Variants in CNOT1 observed in about 807,000 individuals in gnomAD.
CNOT1 encodes CCR4-associated factor 1.
CNOT1 carries 15 observed loss-of-function variants against 273.8 expected under a neutral mutation model. That is an observed-to-expected ratio of 0.05 (90% CI 0.04 to 0.08). CNOT1 has a LOEUF of 0.08. CNOT1 is among the 10% of genes least tolerant of loss of function. The probability of loss-of-function intolerance (pLI) is 1.00; values close to 1 mark genes in which losing one functional copy is unlikely to be tolerated. For missense variants in CNOT1, 1,644 were observed against 2,912.2 expected, an observed-to-expected ratio of 0.56 and a Z score of 10.02; for synonymous variants, 1,022 against 1,005.5, an observed-to-expected ratio of 1.02 and a Z score of -0.31.
At chr16:58,620,161 G>T (rs1320252501) in intron 1 of CNOT1, among the ~76,000 whole-genome samples, 1 of 152,092 alleles carries the variant, frequency 6.6e-6, no homozygotes, top group Non-Finnish European at 1.5e-5. Context: ...ATATGCACTG[G>T]GGAAAGAGAC....
At chr16:58,530,510 C>G in intron 42 of CNOT1, 163 bp from the exon 43 acceptor site, 1 of 454,070 alleles carries the variant, frequency 2.2e-6, no homozygotes, top group Non-Finnish European at 3.8e-6. Flanking sequence ...AGGCCAGGCA[C>G]GGTGGCTGAC....
rs2040227022 is a variant in CNOT1 at position 58,545,417 on chromosome 16, C to T, written c.4081G>A (p.Asp1361Asn). The change falls in exon 30 of 49, where the codon GAC becomes AAC. Residue 1361 changes from aspartate to asparagine, a missense_variant. Coordinates refer to ENST00000317147, the MANE Select transcript of CNOT1 (RefSeq NM_016284.5). The stretch of plus-strand genomic sequence containing the variant: ...CCCGCAAGGGAATAGACATTGATGT[C>T]GTGGTAGCTGTACTGTGGCTGTGGT... Reference protein sequence around the residue: ...VPPQPQYSYHDINVYSLAGLA... With the variant: ...VPPQPQYSYHNINVYSLAGLA... 1.9e-6 allele frequency: 3 copies of T among 1,614,058 alleles called. No homozygotes were observed. Among genetic ancestry groups the T allele is most frequent in the South Asian group, 1.1e-5 (1 of 91,084 alleles).
At chr16:58,522,257 AAAAAAAAAAAG>A (rs1291551174) in intron 47 of CNOT1, among the ~76,000 whole-genome samples, 1 of 134,276 alleles carries the variant, frequency 7.4e-6, no homozygotes, top group African/African-American at 2.6e-5. Context: ...AAAAAAAAAA[AAAAAAAAAAAG>A]CTAACATTGC....
Position 58,589,012 on chromosome 16 carries a change from ATTAG to A in CNOT1, c.103-110_103-107del, listed in dbSNP as rs1302390707. 7 of 1,306,996 alleles carry A rather than the reference ATTAG, an allele frequency of 5.4e-6. No homozygotes were observed. The Admixed American group carries it at 1.1e-4, about 21-fold the overall frequency. 81.0% of individuals were successfully genotyped at this position (1,306,996 alleles called of 1,614,324 possible). A position where few individuals can be genotyped will look rare whatever the true frequency, so the allele number is the denominator to read the frequency against. On this transcript the variant is annotated intron_variant, in intron 2 of 48. Coordinates refer to ENST00000317147, the MANE Select transcript of CNOT1 (RefSeq NM_016284.5). ...CCTCCAAGGCAAAATTCCAATTTACATTAGTTACTCATTTTTGAATTAAAGTTAA... is the reference window on the plus strand; with the variant it reads ...CCTCCAAGGCAAAATTCCAATTTACATTACTCATTTTTGAATTAAAGTTAA...
intron 18 of CNOT1, among the ~76,000 whole-genome samples, chr16:58,557,312 G>A (rs1051706759): frequency 1.3e-5 from 2 of 152,160 alleles, no homozygotes; most frequent in African/African-American, 4.8e-5. Context: ...GAGCTGGCTG[G>A]CTTTTCTCAA....
At chr16:58,626,850 C>CT (rs1259683564) in intron 1 of CNOT1, among the ~76,000 whole-genome samples, 16 of 151,342 alleles carry the variant, frequency 1.1e-4, no homozygotes. Flanking sequence ...ATTTAATTTT[C>CT]TTTTTTGTAA....
chr16:58,568,194 T>C (rs1034310424), intron 16 of CNOT1, among the ~76,000 whole-genome samples: 1 of 151,942 alleles, frequency 6.6e-6, no homozygotes, highest in East Asian at 1.9e-4. Flanking sequence ...TGAGAAACCC[T>C]GTCTCTACTA....
At chr16:58,551,064 C>A in intron 24 of CNOT1, 68 bp downstream of exon 24, 1 of 1,570,648 alleles carries the variant, frequency 6.4e-7, no homozygotes, top group South Asian at 1.2e-5. Context: ...TGTAAAAGGG[C>A]CAACTATACA....
rs958751272 is a variant in CNOT1 at position 58,562,533 on chromosome 16, CG to C, written c.1980-2172del. Among the ~76,000 whole-genome samples, 4 of 147,334 alleles carry C rather than the reference CG, an allele frequency of 2.7e-5. No homozygotes were observed. In the East Asian group the frequency reaches 6.2e-4, roughly 23 times the overall value. ...AAAAATAAATTAAAAAAAAAAGCGG[CG>C]GGGGGGCGGCCAGGCACGGTGGCTC... On this transcript the variant is annotated intron_variant, in intron 16 of 48. Coordinates refer to ENST00000317147, the MANE Select transcript of CNOT1 (RefSeq NM_016284.5).
At position 58,520,139 on chromosome 16, in the gene CNOT1, CCATT is replaced by C. The variant is rs2039314380; in HGVS notation, c.*815_*818del. ...TCATTATTCAGCTTAGCCTGTATGG[CCATT>C]CATTCAGTGGGGTAATGGGGGAGAA... On this transcript the variant is annotated 3_prime_UTR_variant, in exon 49 of 49. Coordinates refer to ENST00000317147, the MANE Select transcript of CNOT1 (RefSeq NM_016284.5). 1 of 152,080 alleles carries C rather than the reference CCATT, an allele frequency of 6.6e-6. No individual in the cohort carries two copies. Among genetic ancestry groups the C allele is most frequent in the Non-Finnish European group, 1.5e-5 (1 of 68,022 alleles). The allele number at this position is 152,080 out of a possible 1,614,324, so 9.4% of individuals were successfully genotyped here. A position where few individuals can be genotyped will look rare whatever the true frequency, so the allele number is the denominator to read the frequency against.
chr16:58,591,614 C>T (rs974088430), intron 2 of CNOT1, among the ~76,000 whole-genome samples: 7 of 151,906 alleles, frequency 4.6e-5, no homozygotes, highest in Non-Finnish European at 5.9e-5. Context: ...ATTAGCCGGA[C>T]GTGGCGGCAT....
rs1012061003 is a variant in CNOT1, at chr16:58,523,183, T to G, written c.6917+187A>C. 7.1e-6 allele frequency: 3 copies of G among 423,262 alleles called. No individual in the cohort carries two copies. In the Admixed American group the frequency reaches 1.3e-4, roughly 18 times the overall value. The allele number at this position is 423,262 out of a possible 1,614,324, so 26.2% of individuals were successfully genotyped here. On this transcript the variant is annotated intron_variant, in intron 47 of 48. Coordinates refer to ENST00000317147, the MANE Select transcript of CNOT1 (RefSeq NM_016284.5). ...TCGCTTGAACCTGGGAGGCGGAGGT[T>G]GCAGTGAGCCAAGATGGCGCCACTG...
chr16:58,546,427 T>C lies in CNOT1; in HGVS notation c.3900A>G (p.Gly1300=). The change falls in exon 29 of 49, where the codon GGA becomes GGG. Residue 1300 remains glycine (G), a synonymous_variant. Coordinates refer to ENST00000317147, the MANE Select transcript of CNOT1 (RefSeq NM_016284.5). ...GGCGATCTTTATCCTTTAGGAGGTTTCCAGGTTTTAGCTCATTGATGTCTA... is the reference window on the plus strand; with the variant it reads ...GGCGATCTTTATCCTTTAGGAGGTTCCCAGGTTTTAGCTCATTGATGTCTA... ...LALDINELKP[G]NLLKDKDRLK... 6.2e-7 allele frequency: 1 copy of C among 1,614,032 alleles called. No individual in the cohort carries two copies. The highest frequency in any genetic ancestry group is 8.5e-7 in the Non-Finnish European group (1 of 1,179,956).
chr16:58,572,151 C>T lies in CNOT1; in HGVS notation c.1979+2458G>A, dbSNP rs533503509. On this transcript the variant is annotated intron_variant, in intron 16 of 48. Coordinates refer to ENST00000317147, the MANE Select transcript of CNOT1 (RefSeq NM_016284.5). ...ATACAAAATTAGCTAGGCGTGGTGG[C>T]GCATGCCTGTAATCCCAGCTACTTG... Among the ~76,000 whole-genome samples the T allele has an allele frequency of 1.1e-4, 16 of 151,778 alleles. 1 individual carries two copies. Among genetic ancestry groups the T allele is most frequent in the South Asian group, 4.2e-4 (2 of 4,796 alleles).
At chr16:58,600,960 T>C (rs539228420) in intron 1 of CNOT1, among the ~76,000 whole-genome samples, 18 of 152,218 alleles carry the variant, frequency 1.2e-4, no homozygotes, top group South Asian at 8.3e-4. Context: ...GTTGTTGCTG[T>C]TGTTGTTGTT....
chr16:58,531,215 C>G (rs1345194358), intron 42 of CNOT1, among the ~76,000 whole-genome samples: 1 of 152,152 alleles, frequency 6.6e-6, no homozygotes, highest in African/African-American at 2.4e-5. Context: ...CCTAGAATGC[C>G]CTTCTCCACC....
chr16:58,593,558 C>T (rs992949092), intron 2 of CNOT1, among the ~76,000 whole-genome samples: 7 of 119,692 alleles, frequency 5.8e-5, no homozygotes, highest in East Asian at 2.3e-4. Context: ...AGCGAAACTC[C>T]GTCTCAAGGG....
chr16:58,555,238 C>T lies in CNOT1; in HGVS notation c.2891+13G>A. On this transcript the variant is annotated intron_variant, in intron 21 of 48. Transcript: ENST00000317147. The stretch of plus-strand genomic sequence containing the variant: ...CAGGGAAGAGATCCTTCACAGGAAA[C>T]CTATCCACTTACCTGTTTTTAAATC... 1 of 1,612,910 alleles carries T rather than the reference C, an allele frequency of 6.2e-7. No individual in the cohort carries two copies. Among genetic ancestry groups the T allele is most frequent in the African/African-American group, 1.3e-5 (1 of 74,970 alleles).
intron 29 of CNOT1, 71 bp from the exon 30 acceptor site, chr16:58,545,562 T>G: frequency 6.3e-7 from 1 of 1,592,984 alleles, no homozygotes; most frequent in Non-Finnish European, 8.6e-7. Context: ...TAGCTTAATA[T>G]CATTAAGTGG....
Sources: gnomAD v4.1 joint callset for allele counts (sites outside exome capture counted in the v4.1 genomes callset) on GRCh38, gnomAD v4.1.1 for gene constraint, MANE v1.5 for transcripts, NCBI Gene and HGNC (gene_info 2026-07-23, HGNC 2026-07-21) for gene names.